The following RB1CC1 variants were observed in gnomAD, a reference collection of about 807,000 sequenced individuals.
The protein encoded by RB1CC1 is RB1 inducible coiled-coil 1.
Under a neutral mutation model 177.5 loss-of-function variants are expected in RB1CC1, and 46 were observed. The ratio of observed to expected loss-of-function variants is 0.26; its 90% CI spans 0.20 to 0.33. The LOEUF (loss-of-function observed/expected upper bound fraction) is 0.33, where lower values mean the gene tolerates loss of function less well. Ranked by LOEUF, RB1CC1 falls within the 10% of genes least tolerant of loss-of-function variation. RB1CC1 has a pLI of 1.00. For synonymous variants in RB1CC1, 666 were observed against 613.6 expected (o/e 1.09, Z -1.26); for missense variants, 1,703 against 1,816.3 (o/e 0.94, Z 1.13).
chr8:52,646,722 A>G (rs1850078956), intron 15 of RB1CC1, among the ~76,000 whole-genome samples: 1 of 152,206 alleles, frequency 6.6e-6, no homozygotes, highest in African/African-American at 2.4e-5. Context: ...AGTGCTAGAG[A>G]TGAGAATAGG....
intron 1 of RB1CC1, among the ~76,000 whole-genome samples, chr8:52,691,202 T>C (rs924730986): frequency 6.6e-6 from 1 of 152,214 alleles, no homozygotes; most frequent in African/African-American, 2.4e-5. Context: ...ACAGCCAATA[T>C]ATTGCTTTCA....
chr8:52,687,063 A>C (rs1411020164), intron 1 of RB1CC1, 96 bp from the exon 2 acceptor site: 5 of 421,232 alleles, frequency 1.2e-5, no homozygotes, highest in Non-Finnish European at 2.4e-5. Context: ...CTACCGTCTA[A>C]GAATAATCTC....
rs549708410 is a variant in RB1CC1 at position 52,628,274 on chromosome 8, T to A, written c.4500-106A>T. ...GCTCAACTACATATTAAGATATTAA[T>A]GCAATATTAAATTTCACATTTACAT... On this transcript the variant is annotated intron_variant, in intron 21 of 23. Transcript: ENST00000025008. 3.5e-6 allele frequency: 4 copies of A among 1,132,174 alleles called. No individual in the cohort carries two copies. In the East Asian group the frequency reaches 7.9e-5, roughly 22 times the overall value. The allele number at this position is 1,132,174 out of a possible 1,614,324, so 70.1% of individuals were successfully genotyped here. A position where few individuals can be genotyped will look rare whatever the true frequency, so the allele number is the denominator to read the frequency against.
intron 19 of RB1CC1, among the ~76,000 whole-genome samples, 186 bp from the exon 20 acceptor site, chr8:52,635,154 A>C (rs979590541): frequency 1.3e-5 from 2 of 152,204 alleles, no homozygotes; most frequent in Non-Finnish European, 2.9e-5. Context: ...TGAGAACCAG[A>C]GCAATTTTAG....
chr8:52,685,497 A>G lies in RB1CC1; in HGVS notation c.-28T>C, dbSNP rs1356114864. On this transcript the variant is annotated 5_prime_UTR_variant, in exon 3 of 24. Transcript: ENST00000025008. The stretch of plus-strand genomic sequence containing the variant: ...TGATTTATCTGAATTCTGTGAGCTT[A>G]TACCTCACCCTCTGATACAGTTACT... 2 of 1,391,564 alleles carry G rather than the reference A, an allele frequency of 1.4e-6. No homozygotes were observed. The highest frequency in any genetic ancestry group is 2.0e-6 in the Non-Finnish European group (2 of 988,364). The allele number at this position is 1,391,564 out of a possible 1,614,324, so 86.2% of individuals were successfully genotyped here.
intron 15 of RB1CC1, among the ~76,000 whole-genome samples, chr8:52,646,452 T>C (rs753650476): frequency 1.3e-5 from 2 of 151,690 alleles, no homozygotes; most frequent in African/African-American, 4.8e-5. Flanking sequence ...ACATAAGAGA[T>C]AGGTAAACTC....
At chr8:52,645,130 C>T in intron 16 of RB1CC1, among the ~76,000 whole-genome samples, 1 of 152,242 alleles carries the variant, frequency 6.6e-6, no homozygotes, top group South Asian at 2.1e-4. Flanking sequence ...CAAGCACTAC[C>T]TCTTACTATT....
chr8:52,671,092 C>A (rs1338357307), intron 7 of RB1CC1, among the ~76,000 whole-genome samples: 1 of 152,142 alleles, frequency 6.6e-6, no homozygotes, highest in Non-Finnish European at 1.5e-5. Context: ...AAACTAGCAT[C>A]TCTTAATCCA....
intron 1 of RB1CC1, among the ~76,000 whole-genome samples, chr8:52,693,574 T>C (rs1182870149): frequency 1.3e-5 from 2 of 152,200 alleles, no homozygotes; most frequent in Non-Finnish European, 2.9e-5. Flanking sequence ...AAAAGACAGA[T>C]GCTGGCAAGG....
rs146742055 is a variant in RB1CC1, at chr8:52,642,466, C to G, written c.4222G>C (p.Glu1408Gln). The G allele has an allele frequency of 2.5e-6, 4 of 1,614,078 alleles. No homozygotes were observed. The African/African-American group carries it at 5.3e-5, about 22-fold the overall frequency. ...VPSPYVATAP[E>Q]LYGACAPELP... is the part of the protein sequence containing the mutation. ...TCAGGTGCACAAGCTCCATAAAGTT[C>G]TGGGGCTGTAGCTACATATGGTGAA... Residue 1408 changes from glutamate to glutamine, a missense_variant, in exon 18 of 24, where the codon GAA becomes CAA. This residue lies in a region of RB1CC1 where 1,169 missense variants were observed against 1,184.7 expected (regional missense o/e 0.99). Transcript: ENST00000025008.
chr8:52,641,240 C>T (rs192524929), intron 18 of RB1CC1, among the ~76,000 whole-genome samples: 1 of 151,810 alleles, frequency 6.6e-6, no homozygotes, highest in Non-Finnish European at 1.5e-5. Context: ...AAAAATTAGC[C>T]AGGCGTGGTG....
chr8:52,677,347 A>C (rs550820304), intron 5 of RB1CC1, among the ~76,000 whole-genome samples: 1 of 152,304 alleles, frequency 6.6e-6, no homozygotes, highest in African/African-American at 2.4e-5. Context: ...GTACTTCAAA[A>C]GAGTGGAACA....
Position 52,634,937 on chromosome 8 carries a change from C to T in RB1CC1, c.4424G>A (p.Arg1475Gln), listed in dbSNP as rs751214315. ...AAATCTTACCAGTCTTTGATTTAACCGTTTATTTTCTTCTTCTTTCAATTG... is the reference window on the plus strand; with the variant it reads ...AAATCTTACCAGTCTTTGATTTAACTGTTTATTTTCTTCTTCTTTCAATTG... ...TLQLKEEENKRLNQRLMSQSM... is the reference protein window; with the variant it reads ...TLQLKEEENKQLNQRLMSQSM... The change falls in exon 20 of 24, where the codon CGG becomes CAG. Residue 1475 changes from arginine (R) to glutamine (Q), a missense_variant. Arg to Gln is a conservative substitution (Grantham distance 43). Coordinates refer to ENST00000025008, the MANE Select transcript of RB1CC1 (RefSeq NM_014781.5). 3.7e-6 allele frequency: 6 copies of T among 1,608,644 alleles called. No homozygotes were observed. Among genetic ancestry groups the T allele is most frequent in the East Asian group, 2.2e-5 (1 of 44,632 alleles).
chr8:52,635,541 A>C (rs1849073342), intron 19 of RB1CC1, among the ~76,000 whole-genome samples: 1 of 152,168 alleles, frequency 6.6e-6, no homozygotes, highest in South Asian at 2.1e-4. Flanking sequence ...CCCTTAATAA[A>C]GGAAACCCTT....
At position 52,642,610 on chromosome 8, in the gene RB1CC1, T is replaced by A; in HGVS notation, c.4097-19A>T. On this transcript the variant is annotated intron_variant, in intron 17 of 23. Transcript: ENST00000025008. ...ATCAAATCTGAAGGACACCCAAATT[T>A]AAAAAAGTATCATGTAATTAAAAAA... 1.9e-6 allele frequency: 3 copies of A among 1,606,814 alleles called. No homozygotes were observed. Among genetic ancestry groups the A allele is most frequent in the Non-Finnish European group, 2.5e-6 (3 of 1,177,586 alleles).
In RB1CC1 at chr8:52,656,889, A is replaced by T; in HGVS notation, c.2940T>A (p.Leu980=). Reference sequence around the variant, plus strand: ...TTAGATGACTTTGCTCCAAGGACTGAAGTTCTGCCCTCAATAACTGTAACT... The same window carrying T: ...TTAGATGACTTTGCTCCAAGGACTGTAGTTCTGCCCTCAATAACTGTAACT... ...DEKLQLLRAE[L]QSLEQSHLKE... is the part of the protein sequence containing the mutation. The change falls in exon 15 of 24, where the codon CTT becomes CTA. Residue 980 remains leucine, a synonymous_variant. Transcript: ENST00000025008. The T allele has an allele frequency of 6.2e-7, 1 of 1,613,346 alleles. No homozygotes were observed. The highest frequency in any genetic ancestry group is 1.1e-5 in the South Asian group (1 of 91,066).
At chr8:52,652,692 C>T (rs1850714091) in intron 15 of RB1CC1, among the ~76,000 whole-genome samples, 1 of 152,074 alleles carries the variant, frequency 6.6e-6, no homozygotes. Context: ...AACACGCATG[C>T]ACACAGATTA....
chr8:52,645,499 T>C (rs920596999), intron 16 of RB1CC1, among the ~76,000 whole-genome samples: 1 of 152,088 alleles, frequency 6.6e-6, no homozygotes, highest in African/African-American at 2.4e-5. Flanking sequence ...ACATGAAAAA[T>C]ATTATTCTCC....
chr8:52,662,749 A>G (rs1372626315), intron 8 of RB1CC1, among the ~76,000 whole-genome samples: 1 of 152,080 alleles, frequency 6.6e-6, no homozygotes, highest in Non-Finnish European at 1.5e-5. Flanking sequence ...AACTGGTTCA[A>G]TATCTGAAAG....
Sources: gnomAD v4.1 joint callset for allele counts (sites outside exome capture counted in the v4.1 genomes callset) on GRCh38, gnomAD v4.1.1 for gene constraint, gnomAD v4.1.1 regional missense constraint, MANE v1.5 for transcripts, NCBI Gene and HGNC (gene_info 2026-07-23, HGNC 2026-07-21) for gene names.